MCPH1: variants seen among roughly 807,000 people sequenced by gnomAD.
MCPH1 encodes microcephalin.
A neutral mutation model predicts 84.5 loss-of-function variants in MCPH1; 104 were observed. The observed-to-expected ratio is 1.23, with a 90% CI of 1.05 to 1.45. The LOEUF is 1.45. Ranked by LOEUF, MCPH1 falls within the 40% of genes most tolerant of loss-of-function variation. The pLI, the probability that MCPH1 is intolerant of heterozygous loss-of-function variation, is 0.00. For missense variants in MCPH1, 1,498 were observed against 1,005.7 expected (o/e 1.49, Z -6.62); for synonymous variants, 514 against 366.8 (o/e 1.40, Z -4.58).
chr8:6,633,652 C>A (rs1221311270), intron 13 of MCPH1, among the ~76,000 whole-genome samples: 1 of 152,088 alleles, frequency 6.6e-6, no homozygotes, highest in Non-Finnish European at 1.5e-5. Context: ...TATAGTATAA[C>A]TTTTCCATGC....
chr8:6,625,872 C>T (rs1361301358), intron 13 of MCPH1: 2 of 985,304 alleles, frequency 2.0e-6, no homozygotes, highest in Non-Finnish European at 2.4e-6. Flanking sequence ...CGTAAACTCA[C>T]AGGGGGTGGA....
intron 12 of MCPH1, among the ~76,000 whole-genome samples, chr8:6,536,524 C>T (rs1264553582): frequency 1.3e-5 from 2 of 152,130 alleles, no homozygotes; most frequent in Admixed American, 6.5e-5. Flanking sequence ...TTTTTACCAC[C>T]AGAAAAGCCC....
At chr8:6,536,433 G>C (rs545716600) in intron 12 of MCPH1, among the ~76,000 whole-genome samples, 1 of 152,026 alleles carries the variant, frequency 6.6e-6, no homozygotes, top group Non-Finnish European at 1.5e-5. Flanking sequence ...TCTCAAAATT[G>C]GCTTGAGTAT....
chr8:6,464,686 C>T (rs567381500), intron 9 of MCPH1, among the ~76,000 whole-genome samples: 3 of 152,100 alleles, frequency 2.0e-5, no homozygotes, highest in Non-Finnish European at 4.4e-5. Context: ...AGGAGCTAGC[C>T]GAAGAAGTCT....
chr8:6,589,677 G>T (rs914011174), intron 12 of MCPH1, among the ~76,000 whole-genome samples: 4 of 152,182 alleles, frequency 2.6e-5, no homozygotes, highest in African/African-American at 9.7e-5. Flanking sequence ...ACTATAAATA[G>T]CTGGTCAGCC....
chr8:6,499,066 T>TTAAA (rs150879047), intron 11 of MCPH1, among the ~76,000 whole-genome samples: 20,595 of 147,984 alleles, frequency 0.14, 1,783 homozygotes, highest in East Asian at 0.41. Context: ...AATAAATAAA[T>TTAAA]TAAATAAATA....
At position 6,440,737 on chromosome 8, in the gene MCPH1, CT is replaced by C. The variant is rs1385860664; in HGVS notation, c.581-1328del. Among the ~76,000 whole-genome samples the C allele has an allele frequency of 1.2e-4, 19 of 152,300 alleles. 1 individual carries two copies. Among genetic ancestry groups the C allele is most frequent in the African/African-American group, 4.3e-4 (18 of 41,564 alleles). On this transcript the variant is annotated intron_variant, in intron 6 of 13. Coordinates refer to ENST00000344683, the MANE Select transcript of MCPH1 (RefSeq NM_024596.5). Reference sequence around the variant, plus strand: ...AGTGCCTTTTCATATTACTGACTGACTTACCGAATGCAGCTTTTAATGTGAT... The same window carrying C: ...AGTGCCTTTTCATATTACTGACTGACTACCGAATGCAGCTTTTAATGTGAT...
At chr8:6,516,250 A>C (rs566434315) in intron 12 of MCPH1, among the ~76,000 whole-genome samples, 5 of 152,336 alleles carry the variant, frequency 3.3e-5, no homozygotes, top group African/African-American at 4.8e-5. Flanking sequence ...TCATTGCTAC[A>C]CACCACTCTC....
chr8:6,491,697 T>G (rs1457170609), intron 11 of MCPH1, among the ~76,000 whole-genome samples: 3 of 151,978 alleles, frequency 2.0e-5, no homozygotes, highest in African/African-American at 4.8e-5. Flanking sequence ...CATTGTTCAA[T>G]TCCCACCTAT....
intron 12 of MCPH1, among the ~76,000 whole-genome samples, chr8:6,595,511 G>A (rs1006522383): frequency 6.6e-6 from 1 of 152,238 alleles, no homozygotes; most frequent in African/African-American, 2.4e-5. Flanking sequence ...GGCTGAGCCA[G>A]TGGGGAAGAG....
chr8:6,626,132 C>T (rs1156547813), intron 13 of MCPH1: 1 of 985,362 alleles, frequency 1.0e-6, no homozygotes. Flanking sequence ...GATTATTTTA[C>T]TTGTAAGAAT....
chr8:6,439,701 C>T (rs1033934570), intron 6 of MCPH1, among the ~76,000 whole-genome samples: 5 of 151,938 alleles, frequency 3.3e-5, no homozygotes, highest in East Asian at 1.9e-4. Flanking sequence ...CGCTCCTGGC[C>T]GTGAATCATG....
intron 9 of MCPH1, among the ~76,000 whole-genome samples, chr8:6,475,682 A>G (rs1695396975): frequency 6.6e-6 from 1 of 152,232 alleles, no homozygotes; most frequent in Admixed American, 6.5e-5. Context: ...GCATAGAGCA[A>G]GAGAGAGTGG....
chr8:6,434,370 T>C (rs867666683), intron 4 of MCPH1, among the ~76,000 whole-genome samples: 1 of 152,124 alleles, frequency 6.6e-6, no homozygotes, highest in Non-Finnish European at 1.5e-5. Flanking sequence ...TCATAAACAA[T>C]GTTGACAGGC....
At chr8:6,419,156 C>G (rs866512286) in intron 3 of MCPH1, among the ~76,000 whole-genome samples, 4,657 of 32,856 alleles carry the variant, frequency 0.14, 122 homozygotes, top group Middle Eastern at 0.27. Context: ...CACACAGACA[C>G]ACACACACAC....
chr8:6,435,084 C>G (rs1442667704), intron 4 of MCPH1, among the ~76,000 whole-genome samples: 1 of 152,028 alleles, frequency 6.6e-6, no homozygotes, highest in Non-Finnish European at 1.5e-5. Context: ...GGATATCAGC[C>G]TGGGGTTTCA....
intron 12 of MCPH1, among the ~76,000 whole-genome samples, chr8:6,564,897 T>C (rs1826022578): frequency 6.6e-6 from 1 of 152,220 alleles, no homozygotes. Flanking sequence ...AGAAGGTGTT[T>C]ATAGGCTTCA....
intron 12 of MCPH1, among the ~76,000 whole-genome samples, chr8:6,589,675 T>C (rs763761107): frequency 1.3e-5 from 2 of 152,224 alleles, no homozygotes; most frequent in Admixed American, 6.5e-5. Flanking sequence ...GAACTATAAA[T>C]AGCTGGTCAG....
intron 12 of MCPH1, among the ~76,000 whole-genome samples, chr8:6,512,950 G>T (rs914112465): frequency 6.6e-6 from 1 of 152,168 alleles, no homozygotes; most frequent in Non-Finnish European, 1.5e-5. Flanking sequence ...GAAGACAATT[G>T]AATGTGTTTA....
Sources: allele counts gnomAD v4.1 joint callset (sites outside exome capture counted in the v4.1 genomes callset), GRCh38; gene constraint gnomAD v4.1.1; transcripts MANE v1.5; gene names NCBI Gene and HGNC (gene_info 2026-07-23, HGNC 2026-07-21).